RBM33: variants seen among roughly 807,000 people sequenced by gnomAD.
The protein encoded by RBM33 is RNA-binding protein 33.
In RBM33, 28 loss-of-function variants were observed where a neutral mutation model predicts 132.6. The observed-to-expected ratio is 0.21, with a 90% CI of 0.16 to 0.29. The LOEUF is 0.29. Among genes scored for constraint, RBM33 ranks in the 10% least tolerant of loss-of-function variants. The pLI, the probability that RBM33 is intolerant of heterozygous loss-of-function variation, is 1.00. For missense variants in RBM33, 1,291 were observed against 1,518.5 expected, an observed-to-expected ratio of 0.85 and a Z score of 2.49; for synonymous variants, 634 against 593.0, an observed-to-expected ratio of 1.07 and a Z score of -1.01.
intron 5 of RBM33, among the ~76,000 whole-genome samples, chr7:155,685,246 G>GT (rs1423239832): frequency 6.6e-6 from 1 of 152,196 alleles, no homozygotes; most frequent in Non-Finnish European, 1.5e-5. Flanking sequence ...AGCGTGTGCC[G>GT]TTTAAGTGTT....
At chr7:155,713,695 C>T (rs1800374565) in intron 8 of RBM33, among the ~76,000 whole-genome samples, 2 of 152,186 alleles carry the variant, frequency 1.3e-5, no homozygotes, top group South Asian at 4.1e-4. Context: ...CAGACTTTGA[C>T]TGTGTTTTGC....
intron 3 of RBM33, among the ~76,000 whole-genome samples, chr7:155,676,731 A>G (rs1799194396): frequency 6.6e-6 from 1 of 152,178 alleles, no homozygotes; most frequent in South Asian, 2.1e-4. Context: ...CCAGTTCTTT[A>G]GGATGTGTTG....
chr7:155,746,984 C>T (rs1041910083), intron 14 of RBM33, among the ~76,000 whole-genome samples: 8 of 152,180 alleles, frequency 5.3e-5, no homozygotes, highest in Non-Finnish European at 1.0e-4. Flanking sequence ...AAGAATAACT[C>T]ATTTTGTTAG....
intron 9 of RBM33, among the ~76,000 whole-genome samples, chr7:155,725,771 T>C (rs780536815): frequency 7.2e-5 from 11 of 152,250 alleles, no homozygotes; most frequent in Non-Finnish European, 1.5e-4. Context: ...GTTTCACTGC[T>C]TGAACCATTA....
At chr7:155,710,294 G>A (rs553386186) in intron 7 of RBM33, among the ~76,000 whole-genome samples, 39 of 152,246 alleles carry the variant, frequency 2.6e-4, no homozygotes, top group Non-Finnish European at 4.3e-4. Context: ...TTCCAGTTCC[G>A]GCTTTTCTCC....
rs1800285807 is a variant in RBM33 at position 155,711,277 on chromosome 7, G to A, written c.1023G>A (p.Leu341=). ...GAAGCCTGTTCCAGCCGCAGCCGCT[G>A]CAGCCGCTGCTTCCGGTGCAGCACC... The part of the protein sequence containing the change: ...PIRSLFQPQP[L]QPLLPVQHPH... The change falls in exon 8 of 18, where the codon CTG becomes CTA. Residue 341 remains leucine (L), a synonymous_variant. Transcript: ENST00000401878. 1 of 1,604,384 alleles carries A rather than the reference G, an allele frequency of 6.2e-7. No individual in the cohort carries two copies. The highest frequency in any genetic ancestry group is 8.5e-7 in the Non-Finnish European group (1 of 1,175,920).
chr7:155,700,213 T>C (rs1385132856), intron 5 of RBM33, among the ~76,000 whole-genome samples: 1 of 152,210 alleles, frequency 6.6e-6, no homozygotes, highest in Admixed American at 6.5e-5. Context: ...TAGTGATAAA[T>C]TAACTCTAGA....
intron 12 of RBM33, among the ~76,000 whole-genome samples, chr7:155,740,261 TTTAC>T (rs772270119): frequency 1.3e-5 from 2 of 152,232 alleles, no homozygotes; most frequent in African/African-American, 4.8e-5. Flanking sequence ...TGTGTTAATA[TTTAC>T]TTAAGCATCT....
intron 5 of RBM33, among the ~76,000 whole-genome samples, chr7:155,691,136 G>A (rs1482524031): frequency 1.3e-5 from 2 of 152,110 alleles, no homozygotes; most frequent in Non-Finnish European, 2.9e-5. Flanking sequence ...TTTTCACATA[G>A]TCCCATATTT....
intron 6 of RBM33, among the ~76,000 whole-genome samples, chr7:155,705,326 T>C (rs1356657206): frequency 6.6e-6 from 1 of 152,362 alleles, no homozygotes; most frequent in East Asian, 1.9e-4. Flanking sequence ...GAAATTAATC[T>C]TGACACTCAG....
chr7:155,701,316 C>G, intron 6 of RBM33: 1 of 324,436 alleles, frequency 3.1e-6, no homozygotes, highest in Non-Finnish European at 5.6e-6. Context: ...GTTGTCAGGG[C>G]GAATTCTGGA....
intron 9 of RBM33, among the ~76,000 whole-genome samples, chr7:155,720,609 G>A (rs1367787420): frequency 1.3e-5 from 2 of 152,166 alleles, no homozygotes; most frequent in East Asian, 3.8e-4. Context: ...GCTCTGCATA[G>A]TGCTGTCTCT....
intron 16 of RBM33, among the ~76,000 whole-genome samples, chr7:155,768,905 A>G (rs969516279): frequency 1.3e-5 from 2 of 152,154 alleles, no homozygotes; most frequent in African/African-American, 4.8e-5. Context: ...GAGCCACCGC[A>G]CCCGGCTGTC....
chr7:155,763,969 C>T lies in RBM33; in HGVS notation c.3137C>T (p.Pro1046Leu), dbSNP rs1486467453. ...HLPAGPHAHSPVPPGIKSIQG... is the reference protein window; with the variant it reads ...HLPAGPHAHSLVPPGIKSIQG... ...CCAGCGGGGCCCCACGCACACTCGC[C>T]TGTCCCTCCAGGGATCAAAAGCATC... The change falls in exon 15 of 18, where the codon CCT becomes CTT. Residue 1046 changes from proline to leucine, a missense_variant. Pro to Leu is a moderately conservative substitution (Grantham distance 98). Coordinates refer to ENST00000401878, the MANE Select transcript of RBM33 (RefSeq NM_053043.3). 8 of 1,595,542 alleles carry T rather than the reference C, an allele frequency of 5.0e-6. No individual in the cohort carries two copies. The highest frequency in any genetic ancestry group is 4.0e-5 in the African/African-American group (3 of 74,526).
intron 5 of RBM33, among the ~76,000 whole-genome samples, chr7:155,699,833 A>G (rs1799907811): frequency 6.6e-6 from 1 of 152,230 alleles, no homozygotes; most frequent in African/African-American, 2.4e-5. Flanking sequence ...AATAAAGTTC[A>G]CTGTTACTTC....
chr7:155,749,792 G>A (rs923993976), intron 14 of RBM33, among the ~76,000 whole-genome samples: 3 of 152,206 alleles, frequency 2.0e-5, no homozygotes, highest in East Asian at 3.8e-4. Flanking sequence ...AACCTGGGCT[G>A]CTGGCCCAGG....
At chr7:155,646,799 C>T (rs1221680490) in intron 1 of RBM33, among the ~76,000 whole-genome samples, 1 of 152,182 alleles carries the variant, frequency 6.6e-6, no homozygotes, top group African/African-American at 2.4e-5. Context: ...AATCTGCCTC[C>T]CACAGTAGCC....
intron 6 of RBM33, among the ~76,000 whole-genome samples, chr7:155,704,963 A>T (rs1010407650): frequency 6.6e-5 from 10 of 152,048 alleles, no homozygotes; most frequent in African/African-American, 2.4e-4. Flanking sequence ...GTTGTCTTTT[A>T]AAAAAAAGTC....
chr7:155,753,796 C>T lies in RBM33; in HGVS notation c.2979+8194C>T, dbSNP rs538954391. ...GAGGCGCGGGGCAGGCACCTCATGC[C>T]TGCCAAGTTGGCTGGGTGGAGTTTG... is the stretch of plus-strand genomic sequence containing the variant. On this transcript the variant is annotated intron_variant, in intron 14 of 17. Coordinates refer to ENST00000401878, the MANE Select transcript of RBM33 (RefSeq NM_053043.3). Among the ~76,000 whole-genome samples, 3 of 152,324 alleles carry T rather than the reference C, an allele frequency of 2.0e-5. No homozygotes were observed. In the South Asian group the frequency reaches 6.2e-4, roughly 32 times the overall value.
Sources: gnomAD v4.1 joint callset for allele counts (sites outside exome capture counted in the v4.1 genomes callset) on GRCh38, gnomAD v4.1.1 for gene constraint, MANE v1.5 for transcripts, NCBI Gene and HGNC (gene_info 2026-07-23, HGNC 2026-07-21) for gene names.